The following COL11A1 variants were observed in gnomAD, a reference collection of about 807,000 sequenced individuals.
The protein encoded by COL11A1 is collagen alpha-1(XI) chain.
In COL11A1, 74 loss-of-function variants were observed where a neutral mutation model predicts 265.2. The observed-to-expected ratio is 0.28, with a 90% CI of 0.23 to 0.34. The LOEUF (loss-of-function observed/expected upper bound fraction) is 0.34, where lower values mean the gene tolerates loss of function less well. Among genes scored for constraint, COL11A1 ranks in the 10% least tolerant of loss-of-function variants. The probability of loss-of-function intolerance (pLI) is 1.00; values close to 1 mark genes in which losing one functional copy is unlikely to be tolerated. For synonymous variants in COL11A1, 816 were observed against 727.6 expected, an observed-to-expected ratio of 1.12 and a Z score of -1.96; for missense variants, 2,165 against 2,263.6, an observed-to-expected ratio of 0.96 and a Z score of 0.88.
At chr1:102,929,667 G>C (rs1157073007) in intron 46 of COL11A1, among the ~76,000 whole-genome samples, 2 of 151,944 alleles carry the variant, frequency 1.3e-5, no homozygotes, top group African/African-American at 4.8e-5. Flanking sequence ...CATTGAATCT[G>C]TAAATTACCT....
At chr1:103,011,398 G>GT (rs931382841) in intron 14 of COL11A1, among the ~76,000 whole-genome samples, 192 of 152,060 alleles carry the variant, frequency 1.3e-3, no homozygotes, top group African/African-American at 4.3e-3. Flanking sequence ...ATGAAACATA[G>GT]TATCAGAATA....
In COL11A1 at chr1:102,970,087, G is replaced by C. The variant is rs923603780; in HGVS notation, c.2862+132C>G. On this transcript the variant is annotated intron_variant, in intron 37 of 66. Transcript: ENST00000370096. The stretch of plus-strand genomic sequence containing the variant: ...ATATATATGTATATTTCAATAAAAG[G>C]CTTAATGGAATTAATTTTTCCATTT... 11 of 573,610 alleles carry C rather than the reference G, an allele frequency of 1.9e-5. No individual in the cohort carries two copies. In the South Asian group the frequency reaches 2.6e-4, roughly 14 times the overall value. 35.5% of individuals were successfully genotyped at this position (573,610 alleles called of 1,614,324 possible).
intron 4 of COL11A1, among the ~76,000 whole-genome samples, chr1:103,041,007 A>G (rs1397207703): frequency 6.6e-6 from 1 of 151,712 alleles, no homozygotes; most frequent in African/African-American, 2.4e-5. Flanking sequence ...TTTAATTTTT[A>G]TATTTTTATT....
rs547032623 is a variant in COL11A1 at position 103,080,455 on chromosome 1, G to A, written c.275-1584C>T. ...GGGGTTAATATTAAAAACATGTAAG[G>A]AACTCAAACAACTCAATAGAAAAAA... On this transcript the variant is annotated intron_variant, in intron 2 of 66. Coordinates refer to ENST00000370096, the MANE Select transcript of COL11A1 (RefSeq NM_001854.4). Among the ~76,000 whole-genome samples the A allele has an allele frequency of 8.6e-5, 13 of 151,602 alleles. No individual in the cohort carries two copies. The South Asian group carries it at 2.5e-3, about 29-fold the overall frequency.
chr1:103,023,970 G>T lies in COL11A1; in HGVS notation c.991-974C>A, dbSNP rs181572523. Among the ~76,000 whole-genome samples, 467 of 152,120 alleles carry T rather than the reference G, an allele frequency of 3.1e-3. 3 individuals carry two copies. The highest frequency in any genetic ancestry group is 0.011 in the African/African-American group (449 of 41,508). ...AATATTAATTAATACTTACAAGTAA[G>T]AATTATGTCAATAATACTTCCTCAG... On this transcript the variant is annotated intron_variant, in intron 7 of 66. Coordinates refer to ENST00000370096, the MANE Select transcript of COL11A1 (RefSeq NM_001854.4).
At position 102,987,384 on chromosome 1, in the gene COL11A1, A is replaced by T. The variant is rs202081513; in HGVS notation, c.2502+249T>A. 4.4e-3 allele frequency among the ~76,000 whole-genome samples: 576 copies of T among 129,482 alleles called. 4 individuals carry two copies. Among genetic ancestry groups the T allele is most frequent in the African/African-American group, 0.014 (533 of 37,194 alleles). The allele number at this position is 129,482 out of a possible 152,430, so 84.9% of individuals were successfully genotyped here. A position where few individuals can be genotyped will look rare whatever the true frequency, so the allele number is the denominator to read the frequency against. ...AGACATTTCTTGCTTTTTTTTTTTT[A>T]AATTTAACTTCACAGTACATTATAG... On this transcript the variant is annotated intron_variant, in intron 30 of 66. Coordinates refer to ENST00000370096, the MANE Select transcript of COL11A1 (RefSeq NM_001854.4).
At chr1:102,977,011 T>C (rs1188270516) in intron 35 of COL11A1, among the ~76,000 whole-genome samples, 2 of 152,164 alleles carry the variant, frequency 1.3e-5, no homozygotes, top group Non-Finnish European at 2.9e-5. Flanking sequence ...TATATATGCA[T>C]GCCATGTATA....
At chr1:102,960,745 G>GAA (rs71094585) in intron 41 of COL11A1, among the ~76,000 whole-genome samples, 38 of 149,740 alleles carry the variant, frequency 2.5e-4, no homozygotes, top group Non-Finnish European at 4.3e-4. Flanking sequence ...GGCATGAAGG[G>GAA]AAAAAAAAAG....
chr1:103,005,860 A>T lies in COL11A1; in HGVS notation c.1823T>A (p.Leu608Gln). The change falls in exon 18 of 67, where the codon CTG becomes CAG. Residue 608 changes from leucine (L) to glutamine (Q), a missense_variant. By Grantham distance (113) the Leu-to-Gln change is moderately radical. Transcript: ENST00000370096. ...GDRGFDGLPGLPGDKGHRGER... is the reference protein window; with the variant it reads ...GDRGFDGLPGQPGDKGHRGER... Reference sequence around the variant, plus strand: ...TACCCTGTGACCTTTGTCACCTGGCAGACCCGGAAGTCCATCAAACCCTCG... The same window carrying T: ...TACCCTGTGACCTTTGTCACCTGGCTGACCCGGAAGTCCATCAAACCCTCG... The T allele has an allele frequency of 6.2e-7, 1 of 1,613,938 alleles. No homozygotes were observed. Among genetic ancestry groups the T allele is most frequent in the Non-Finnish European group, 8.5e-7 (1 of 1,179,992 alleles).
chr1:102,924,468 A>G (rs1448290768), intron 46 of COL11A1, among the ~76,000 whole-genome samples: 2 of 152,154 alleles, frequency 1.3e-5, no homozygotes, highest in African/African-American at 4.8e-5. Flanking sequence ...ACATACTTCA[A>G]TTGTACATTT....
chr1:103,068,550 C>A (rs1033779189), intron 4 of COL11A1, among the ~76,000 whole-genome samples: 1 of 151,352 alleles, frequency 6.6e-6, no homozygotes, highest in South Asian at 2.1e-4. Context: ...AGTAAGAATA[C>A]CTGCTTACAC....
At chr1:102,882,804 A>G (rs1027315728) in intron 64 of COL11A1, among the ~76,000 whole-genome samples, 1 of 152,188 alleles carries the variant, frequency 6.6e-6, no homozygotes, top group Admixed American at 6.5e-5. Flanking sequence ...TGCAGAAAAG[A>G]CTTGTATATA....
At chr1:103,024,783 T>G (rs909961604) in intron 7 of COL11A1, among the ~76,000 whole-genome samples, 7 of 152,148 alleles carry the variant, frequency 4.6e-5, no homozygotes, top group Admixed American at 3.3e-4. Context: ...GAGAGACATT[T>G]TACATAAATT....
chr1:102,925,636 G>A (rs1452972747), intron 46 of COL11A1, among the ~76,000 whole-genome samples: 1 of 151,964 alleles, frequency 6.6e-6, no homozygotes, highest in Non-Finnish European at 1.5e-5. Context: ...AAAAAGACAG[G>A]TAGTATTTCT....
At chr1:102,943,990 T>G (rs1054139889) in intron 42 of COL11A1, among the ~76,000 whole-genome samples, 4 of 152,084 alleles carry the variant, frequency 2.6e-5, no homozygotes, top group African/African-American at 9.7e-5. Context: ...TCTTCTTACC[T>G]GCTTTCCAGA....
chr1:103,025,650 A>C, intron 6 of COL11A1, 37 bp from the exon 7 acceptor site: 2 of 1,585,056 alleles, frequency 1.3e-6, no homozygotes, highest in South Asian at 2.2e-5. Flanking sequence ...GTAAACATGT[A>C]AGGTGATCCC....
At chr1:103,082,311 G>C (rs545471767) in intron 2 of COL11A1, among the ~76,000 whole-genome samples, 1 of 151,880 alleles carries the variant, frequency 6.6e-6, no homozygotes, top group African/African-American at 2.4e-5. Flanking sequence ...CAAAGAAAAA[G>C]TATCTCTTTC....
Position 102,978,634 on chromosome 1 carries a change from T to C in COL11A1, c.2754+74A>G, listed in dbSNP as rs980546418. ...ATGCACATGTATTAGCAGACATATA[T>C]CTTTTCTCTGAAATCTAAATACTTG... On this transcript the variant is annotated intron_variant, in intron 35 of 66. Coordinates refer to ENST00000370096, the MANE Select transcript of COL11A1 (RefSeq NM_001854.4). 3.3e-6 allele frequency: 5 copies of C among 1,500,702 alleles called. No individual in the cohort carries two copies. In the African/African-American group the frequency reaches 5.5e-5, roughly 17 times the overall value. The allele number at this position is 1,500,702 out of a possible 1,614,324, so 93.0% of individuals were successfully genotyped here. A position where few individuals can be genotyped will look rare whatever the true frequency, so the allele number is the denominator to read the frequency against.
At position 102,940,451 on chromosome 1, in the gene COL11A1, A is replaced by C. The variant is rs184451796; in HGVS notation, c.3277-17T>G. On this transcript the variant is annotated splice_polypyrimidine_tract_variant and intron_variant, in intron 42 of 66. Coordinates refer to ENST00000370096, the MANE Select transcript of COL11A1 (RefSeq NM_001854.4). The stretch of plus-strand genomic sequence containing the variant: ...TTTTTCTCCCTGTATTGAATATCCA[A>C]AGATCATTAATTTTACAGTTTTGAA... The C allele has an allele frequency of 6.3e-7, 1 of 1,578,914 alleles. No homozygotes were observed.
Sources: allele counts gnomAD v4.1 joint callset (sites outside exome capture counted in the v4.1 genomes callset), GRCh38; gene constraint gnomAD v4.1.1; transcripts MANE v1.5; gene names NCBI Gene and HGNC (gene_info 2026-07-23, HGNC 2026-07-21).